ULK4: variants seen among roughly 807,000 people sequenced by gnomAD.
The protein encoded by ULK4 is unc-51 like kinase 4.
ULK4 carries 133 observed loss-of-function variants against 160.6 expected under a neutral mutation model. The ratio of observed to expected loss-of-function variants is 0.83; its 90% CI spans 0.72 to 0.96. The LOEUF (loss-of-function observed/expected upper bound fraction) is 0.96. Among genes scored for constraint, ULK4 ranks in the 40% least tolerant of loss-of-function variants. The pLI is 0.00. For synonymous variants in ULK4, 534 were observed against 539.8 expected, an observed-to-expected ratio of 0.99 and a Z score of 0.15; for missense variants, 1,580 against 1,499.5, an observed-to-expected ratio of 1.05 and a Z score of -0.89.
chr3:41,463,259 G>A lies in ULK4; in HGVS notation c.3227-6C>T, dbSNP rs772368917. ...ACAGATGTGACTGACAAGTCCTGAG[G>A]GTAAAAAAGGAAAAGAAAAAAACCT... is the stretch of plus-strand genomic sequence containing the variant. On this transcript the variant is annotated splice_region_variant and splice_polypyrimidine_tract_variant and intron_variant, in intron 32 of 36. Transcript: ENST00000301831. 1 of 1,602,176 alleles carries A rather than the reference G, an allele frequency of 6.2e-7. No homozygotes were observed.
chr3:41,810,991 C>T (rs1202582832), intron 19 of ULK4, among the ~76,000 whole-genome samples: 2 of 152,038 alleles, frequency 1.3e-5, no homozygotes, highest in African/African-American at 2.4e-5. Context: ...TCAACCAATC[C>T]TTCTGCCTCA....
intron 31 of ULK4, among the ~76,000 whole-genome samples, chr3:41,600,560 C>A (rs563436777): frequency 6.6e-6 from 1 of 152,328 alleles, no homozygotes; most frequent in Admixed American, 6.5e-5. Context: ...GTATGCACTG[C>A]AGCTTGTGAA....
intron 30 of ULK4, among the ~76,000 whole-genome samples, chr3:41,631,626 T>C (rs960365872): frequency 6.6e-6 from 1 of 152,240 alleles, no homozygotes; most frequent in African/African-American, 2.4e-5. Flanking sequence ...TTAATAACTT[T>C]GTAAAATGCT....
chr3:41,757,695 G>A (rs1486331601), intron 21 of ULK4, among the ~76,000 whole-genome samples: 4 of 150,410 alleles, frequency 2.7e-5, no homozygotes, highest in Non-Finnish European at 5.9e-5. Context: ...GTGCAGTGGT[G>A]CAATCTCGGC....
In ULK4 at chr3:41,895,550, G is replaced by C; in HGVS notation, c.1545C>G (p.Ile515Met). Residue 515 changes from isoleucine to methionine, a missense_variant, in exon 16 of 37, where the codon ATC becomes ATG. By Grantham distance (10) the Ile-to-Met change is conservative. Transcript: ENST00000301831. ...AGTTTGGAGCTATCCGCAAATGCTGGATTAGCAATTGGAACTAGAATAAGA... is the reference window on the plus strand; with the variant it reads ...AGTTTGGAGCTATCCGCAAATGCTGCATTAGCAATTGGAACTAGAATAAGA... ...LLHSPLFQLL[I>M]QHLRIAPNWD... The C allele has an allele frequency of 6.6e-7, 1 of 1,511,704 alleles. No individual in the cohort carries two copies. The highest frequency in any genetic ancestry group is 1.4e-5 in the South Asian group (1 of 73,742). 93.6% of individuals were successfully genotyped at this position (1,511,704 alleles called of 1,614,324 possible). A position where few individuals can be genotyped will look rare whatever the true frequency, so the allele number is the denominator to read the frequency against.
At chr3:41,438,928 G>T (rs1435998156) in intron 34 of ULK4, among the ~76,000 whole-genome samples, 1 of 151,186 alleles carries the variant, frequency 6.6e-6, no homozygotes, top group Non-Finnish European at 1.5e-5. Context: ...ATTCCATATG[G>T]TTAGCATAAT....
chr3:41,772,792 C>G (rs1157992673), intron 21 of ULK4, among the ~76,000 whole-genome samples: 1 of 152,164 alleles, frequency 6.6e-6, no homozygotes, highest in Non-Finnish European at 1.5e-5. Flanking sequence ...GACCAATATC[C>G]CTGATGAACA....
chr3:41,486,490 G>A (rs1208745219), intron 32 of ULK4, among the ~76,000 whole-genome samples: 1 of 152,168 alleles, frequency 6.6e-6, no homozygotes, highest in African/African-American at 2.4e-5. Flanking sequence ...AGGCAGGCAG[G>A]GGAGTGGGAG....
At chr3:41,336,008 T>G (rs1278705982) in intron 35 of ULK4, among the ~76,000 whole-genome samples, 1 of 152,136 alleles carries the variant, frequency 6.6e-6, no homozygotes, top group African/African-American at 2.4e-5. Context: ...ACAGGGATAT[T>G]CAGAGGAAGG....
intron 30 of ULK4, among the ~76,000 whole-genome samples, chr3:41,617,214 A>G (rs2033019209): frequency 6.6e-6 from 1 of 152,214 alleles, no homozygotes; most frequent in African/African-American, 2.4e-5. Context: ...AGCTCTGAAG[A>G]GAACAGCTGA....
chr3:41,311,877 CATAT>C (rs143621818), intron 35 of ULK4, among the ~76,000 whole-genome samples: 1 of 146,628 alleles, frequency 6.8e-6, no homozygotes, highest in African/African-American at 2.6e-5. Flanking sequence ...AAACTCTCCT[CATAT>C]ATATATATAT....
intron 35 of ULK4, among the ~76,000 whole-genome samples, chr3:41,387,360 G>A (rs1320990552): frequency 2.0e-5 from 3 of 151,448 alleles, no homozygotes; most frequent in African/African-American, 2.4e-5. Context: ...CTGTAATTTT[G>A]TATCTTTTTT....
At chr3:41,918,399 G>A in intron 7 of ULK4, 58 bp downstream of exon 7, 3 of 1,178,104 alleles carry the variant, frequency 2.5e-6, no homozygotes, top group South Asian at 3.1e-5. Flanking sequence ...TTGGATAAAG[G>A]TACACCTTTA....
At chr3:41,569,886 A>G (rs1016182449) in intron 31 of ULK4, among the ~76,000 whole-genome samples, 2 of 152,140 alleles carry the variant, frequency 1.3e-5, no homozygotes, top group African/African-American at 4.8e-5. Flanking sequence ...TGCTTGGAAA[A>G]TGACACTAGT....
chr3:41,371,764 G>C (rs2081372852), intron 35 of ULK4, among the ~76,000 whole-genome samples: 1 of 152,060 alleles, frequency 6.6e-6, no homozygotes, highest in Non-Finnish European at 1.5e-5. Context: ...CTCCTCGCCA[G>C]TGAGGAAACA....
chr3:41,386,550 A>C (rs2081815469), intron 35 of ULK4, among the ~76,000 whole-genome samples: 1 of 152,152 alleles, frequency 6.6e-6, no homozygotes, highest in Non-Finnish European at 1.5e-5. Context: ...CCACAGCCAA[A>C]CCAGAGAACC....
At chr3:41,777,437 A>G (rs2125578205) in intron 21 of ULK4, among the ~76,000 whole-genome samples, 1 of 26,838 alleles carries the variant, frequency 3.7e-5, no homozygotes, top group East Asian at 6.8e-4. Context: ...TTCTGCTCTG[A>G]TTTTAGTTAT....
chr3:41,663,496 G>C, intron 30 of ULK4, 111 bp downstream of exon 30: 1 of 995,782 alleles, frequency 1.0e-6, no homozygotes, highest in South Asian at 1.5e-5. Context: ...TGACGATTTT[G>C]ACAACTCAAA....
chr3:41,882,189 A>T, intron 17 of ULK4: 2 of 702,406 alleles, frequency 2.8e-6, no homozygotes, highest in Non-Finnish European at 5.2e-6. Flanking sequence ...AATATTTGTC[A>T]GTATCTATAC....
Sources: gnomAD v4.1 joint callset for allele counts (sites outside exome capture counted in the v4.1 genomes callset) on GRCh38, gnomAD v4.1.1 for gene constraint, MANE v1.5 for transcripts, NCBI Gene and HGNC (gene_info 2026-07-23, HGNC 2026-07-21) for gene names.